The following CNTNAP2 variants were observed in gnomAD, a reference collection of about 807,000 sequenced individuals.
The protein encoded by CNTNAP2 is contactin associated protein 2.
In CNTNAP2, 98 loss-of-function variants were observed where a neutral mutation model predicts 155.2. The observed-to-expected ratio is 0.63, with a 90% confidence interval of 0.54 to 0.75. The LOEUF (loss-of-function observed/expected upper bound fraction) is 0.75. Among genes scored for constraint, CNTNAP2 ranks in the 30% least tolerant of loss-of-function variants. CNTNAP2 has a pLI of 0.00. For missense variants in CNTNAP2, 1,727 were observed against 1,688.1 expected (o/e 1.02, Z -0.40); for synonymous variants, 651 against 631.2 (o/e 1.03, Z -0.47).
intron 1 of CNTNAP2, among the ~76,000 whole-genome samples, chr7:146,564,945 G>A (rs1208906633): frequency 6.6e-6 from 1 of 152,064 alleles, no homozygotes; most frequent in Non-Finnish European, 1.5e-5. Flanking sequence ...TTAAGTGACT[G>A]CTCAAGATCA....
intron 21 of CNTNAP2, among the ~76,000 whole-genome samples, chr7:148,281,839 T>TA (rs1181089274): frequency 1.8e-5 from 2 of 109,996 alleles, no homozygotes; most frequent in African/African-American, 8.3e-5. Flanking sequence ...CGTTTCCTTT[T>TA]TTTTTTTTTT....
chr7:146,307,489 C>G (rs1432803076), intron 1 of CNTNAP2, among the ~76,000 whole-genome samples: 1 of 152,094 alleles, frequency 6.6e-6, no homozygotes, highest in East Asian at 1.9e-4. Flanking sequence ...CTTTAAAGTT[C>G]ATATGGAACC....
intron 1 of CNTNAP2, among the ~76,000 whole-genome samples, chr7:146,126,270 A>G (rs1217711218): frequency 6.6e-6 from 1 of 152,238 alleles, no homozygotes; most frequent in African/African-American, 2.4e-5. Flanking sequence ...TATAAAGGAA[A>G]AAGCCTATTG....
chr7:146,937,999 T>C (rs978296393), intron 3 of CNTNAP2, among the ~76,000 whole-genome samples: 1 of 152,146 alleles, frequency 6.6e-6, no homozygotes, highest in Non-Finnish European at 1.5e-5. Context: ...TCAGGAAGGG[T>C]ATATTTAACA....
At chr7:147,109,229 CA>C (rs1800826753) in intron 5 of CNTNAP2, among the ~76,000 whole-genome samples, 1 of 152,000 alleles carries the variant, frequency 6.6e-6, no homozygotes, top group Non-Finnish European at 1.5e-5. Context: ...AGGTGGTTAT[CA>C]GGGGAGATGC....
At chr7:147,034,426 C>T (rs900101064) in intron 3 of CNTNAP2, among the ~76,000 whole-genome samples, 1 of 152,144 alleles carries the variant, frequency 6.6e-6, no homozygotes, top group African/African-American at 2.4e-5. Context: ...TCATGGAGCT[C>T]AAACCCCATG....
chr7:146,598,343 G>T (rs185478976), intron 1 of CNTNAP2, among the ~76,000 whole-genome samples: 34 of 151,910 alleles, frequency 2.2e-4, no homozygotes, highest in Admixed American at 6.6e-5. Context: ...AAGGAATCTC[G>T]ATCTGACAGG....
At chr7:146,347,668 C>A (rs962026844) in intron 1 of CNTNAP2, among the ~76,000 whole-genome samples, 2 of 152,096 alleles carry the variant, frequency 1.3e-5, no homozygotes, top group Non-Finnish European at 2.9e-5. Context: ...CTGCTTCAAG[C>A]GATTCTCCTG....
intron 15 of CNTNAP2, among the ~76,000 whole-genome samples, chr7:148,057,244 G>T (rs753603140): frequency 7.9e-5 from 12 of 151,870 alleles, no homozygotes; most frequent in Non-Finnish European, 1.5e-4. Flanking sequence ...TGGGTAGGAG[G>T]GTGCACAAGT....
chr7:146,959,730 A>AAAAAAAAG (rs1797517992), intron 3 of CNTNAP2, among the ~76,000 whole-genome samples: 1 of 149,186 alleles, frequency 6.7e-6, no homozygotes, highest in Non-Finnish European at 1.5e-5. Flanking sequence ...AAAAAAAAAA[A>AAAAAAAAG]AAAGAAAGAA....
At chr7:147,773,079 C>T (rs1010436780) in intron 13 of CNTNAP2, among the ~76,000 whole-genome samples, 2 of 152,068 alleles carry the variant, frequency 1.3e-5, no homozygotes, top group Non-Finnish European at 2.9e-5. Context: ...ATATGAATAC[C>T]CTCATCTTCA....
chr7:146,250,893 C>T (rs1799745756), intron 1 of CNTNAP2, among the ~76,000 whole-genome samples: 1 of 152,072 alleles, frequency 6.6e-6, no homozygotes, highest in Admixed American at 6.5e-5. Flanking sequence ...ATAAAATTAC[C>T]ATGCATACTG....
intron 19 of CNTNAP2, among the ~76,000 whole-genome samples, chr7:148,219,738 G>T (rs1239570773): frequency 6.6e-6 from 1 of 152,122 alleles, no homozygotes; most frequent in Non-Finnish European, 1.5e-5. Context: ...GAAGGCTGAG[G>T]GGGGAGGATC....
intron 1 of CNTNAP2, among the ~76,000 whole-genome samples, chr7:146,492,358 T>C (rs976955965): frequency 2.0e-5 from 3 of 152,188 alleles, no homozygotes; most frequent in African/African-American, 7.2e-5. Context: ...GTGCCCTTCC[T>C]CATGTTCATC....
chr7:146,822,656 TAA>T, intron 2 of CNTNAP2, among the ~76,000 whole-genome samples: 1 of 147,824 alleles, frequency 6.8e-6, no homozygotes, highest in Non-Finnish European at 1.5e-5. Flanking sequence ...AATAAATATT[TAA>T]ATATAAATAT....
chr7:146,715,633 A>G (rs1231547484), intron 1 of CNTNAP2, among the ~76,000 whole-genome samples: 1 of 152,184 alleles, frequency 6.6e-6, no homozygotes. Context: ...CCCTACCTAA[A>G]GTGATGGGGA....
chr7:146,694,530 G>A (rs773948253), intron 1 of CNTNAP2, among the ~76,000 whole-genome samples: 1 of 152,100 alleles, frequency 6.6e-6, no homozygotes, highest in East Asian at 1.9e-4. Flanking sequence ...CTTGAAATTG[G>A]GTAGGGTAGG....
intron 1 of CNTNAP2, among the ~76,000 whole-genome samples, chr7:146,729,471 C>T (rs868607781): frequency 3.3e-5 from 5 of 151,692 alleles, no homozygotes; most frequent in South Asian, 4.2e-4. Flanking sequence ...AAAAAAAGAG[C>T]TTAAGAGAAA....
intron 1 of CNTNAP2, among the ~76,000 whole-genome samples, chr7:146,227,642 G>T (rs1799318148): frequency 1.3e-5 from 2 of 152,088 alleles, no homozygotes. Flanking sequence ...GAAAGAAAGT[G>T]TCAATAAAAA....
Sources: allele counts gnomAD v4.1 joint callset (sites outside exome capture counted in the v4.1 genomes callset), GRCh38; gene constraint gnomAD v4.1.1; transcripts MANE v1.5; gene names NCBI Gene and HGNC (gene_info 2026-07-23, HGNC 2026-07-21).